The following SMURF2 variants were observed in gnomAD, a reference collection of about 807,000 sequenced individuals.
SMURF2 encodes the protein SMAD specific E3 ubiquitin protein ligase 2.
SMURF2 carries 48 observed loss-of-function variants against 109.6 expected under a neutral mutation model. The ratio of observed to expected loss-of-function variants is 0.44; its 90% confidence interval spans 0.35 to 0.56. The LOEUF (loss-of-function observed/expected upper bound fraction) is 0.56. SMURF2 is among the 20% of genes least tolerant of loss of function. SMURF2 has a pLI of 0.01. For missense variants in SMURF2, 575 were observed against 909.0 expected, an observed-to-expected ratio of 0.63 and a Z score of 4.72; for synonymous variants, 288 against 317.1, an observed-to-expected ratio of 0.91 and a Z score of 0.97.
intron 2 of SMURF2, among the ~76,000 whole-genome samples, chr17:64,604,140 C>T (rs868925411): frequency 6.6e-6 from 1 of 152,150 alleles, no homozygotes; most frequent in Non-Finnish European, 1.5e-5. Context: ...TGTAAATCTA[C>T]CACAGAATGG....
intron 1 of SMURF2, among the ~76,000 whole-genome samples, chr17:64,644,104 C>G (rs1555692812): frequency 6.6e-6 from 1 of 152,144 alleles, no homozygotes; most frequent in East Asian, 1.9e-4. Flanking sequence ...CTGCTGGGCT[C>G]AAACCATCCT....
In SMURF2 at chr17:64,547,064, G is replaced by A. The variant is rs1054944888; in HGVS notation, c.2071+536C>T. Among the ~76,000 whole-genome samples, 1 of 152,174 alleles carries A rather than the reference G, an allele frequency of 6.6e-6. No homozygotes were observed. The highest frequency in any genetic ancestry group is 1.5e-5 in the Non-Finnish European group (1 of 68,030). On this transcript the variant is annotated intron_variant, in intron 17 of 18. Transcript: ENST00000262435. This position sits in a 1 kb window ranked among gnomAD's most constrained non-coding sequence, Gnocchi z 4.2. Reference sequence around the variant, plus strand: ...ACCACAATCATTAGCAATATTACCAGCTCCTCCCAAAATTAACCAGCTTAT... The same window carrying A: ...ACCACAATCATTAGCAATATTACCAACTCCTCCCAAAATTAACCAGCTTAT...
intron 1 of SMURF2, among the ~76,000 whole-genome samples, chr17:64,636,497 G>A (rs1268127923): frequency 2.6e-5 from 4 of 151,838 alleles, no homozygotes; most frequent in African/African-American, 7.3e-5. Context: ...CGGCTACGCG[G>A]GAGGCTGAGG....
chr17:64,581,106 G>A lies in SMURF2; in HGVS notation c.570-115C>T. The A allele has an allele frequency of 3.3e-6, 3 of 908,344 alleles. No homozygotes were observed. Among genetic ancestry groups the A allele is most frequent in the Non-Finnish European group, 3.4e-6 (2 of 595,524 alleles). The allele number at this position is 908,344 out of a possible 1,614,324, so 56.3% of individuals were successfully genotyped here. Reference sequence around the variant, plus strand: ...CACTTATCATGTCTGAAAACAGAATGACTAATACAAGTATAATGACTTCAA... The same window carrying A: ...CACTTATCATGTCTGAAAACAGAATAACTAATACAAGTATAATGACTTCAA... On this transcript the variant is annotated intron_variant, in intron 7 of 18. Coordinates refer to ENST00000262435, the MANE Select transcript of SMURF2 (RefSeq NM_022739.4). The surrounding 1 kb of genome is among the most constrained non-coding windows in gnomAD (Gnocchi z 4.3).
intron 7 of SMURF2, among the ~76,000 whole-genome samples, chr17:64,583,221 C>T (rs760339364): frequency 2.0e-5 from 3 of 152,144 alleles, no homozygotes; most frequent in Non-Finnish European, 4.4e-5. Flanking sequence ...CGCCCTGCCT[C>T]ATTCAATAAA....
chr17:64,661,794 G>A, intron 1 of SMURF2, 35 bp downstream of exon 1: 1 of 1,185,460 alleles, frequency 8.4e-7, no homozygotes, highest in Non-Finnish European at 1.1e-6. Context: ...CGCCCACCCC[G>A]CGGCTGCCCA....
intron 1 of SMURF2, among the ~76,000 whole-genome samples, chr17:64,657,408 T>C (rs1970719130): frequency 6.6e-6 from 1 of 151,772 alleles, no homozygotes; most frequent in Admixed American, 6.6e-5. Flanking sequence ...AAGGCTCAAA[T>C]AGGCCAGGCA....
intron 2 of SMURF2, among the ~76,000 whole-genome samples, chr17:64,605,430 T>C (rs1297922029): frequency 1.3e-5 from 2 of 151,954 alleles, no homozygotes; most frequent in Admixed American, 6.6e-5. Context: ...AGTATAATTT[T>C]AAATTATATT....
At chr17:64,600,382 T>C (rs1169674918) in intron 2 of SMURF2, among the ~76,000 whole-genome samples, 3 of 152,206 alleles carry the variant, frequency 2.0e-5, no homozygotes, top group East Asian at 1.9e-4. Context: ...GTGTTAGACA[T>C]TGGGATAGAG....
At chr17:64,619,958 C>T (rs956582427) in intron 1 of SMURF2, among the ~76,000 whole-genome samples, 5 of 152,106 alleles carry the variant, frequency 3.3e-5, no homozygotes, top group South Asian at 2.1e-4. Flanking sequence ...TCCCAAGCTC[C>T]GAACTCATAC....
rs1555687865 is a variant in SMURF2, at chr17:64,593,549, A to C, written c.225T>G (p.Val75=). The change falls in exon 4 of 19, where the codon GTT becomes GTG. Residue 75 remains valine (V), a synonymous_variant. Coordinates refer to ENST00000262435, the MANE Select transcript of SMURF2 (RefSeq NM_022739.4). ...YDLYIGKSDS[V]TISVWNHKKI... ...TCTTGTGATTCCATACACTGATCGTAACTGAATCAGACTTTCCAATATACC... is the reference window on the plus strand; with the variant it reads ...TCTTGTGATTCCATACACTGATCGTCACTGAATCAGACTTTCCAATATACC... 1.3e-6 allele frequency: 2 copies of C among 1,574,874 alleles called. No homozygotes were observed. The highest frequency in any genetic ancestry group is 1.7e-6 in the Non-Finnish European group (2 of 1,155,222).
chr17:64,644,563 T>C lies in SMURF2; in HGVS notation c.52+17266A>G, dbSNP rs1970534756. ...GTAAGCCATGATCAAACCACTGCAC[T>C]CCAGCCTAGGTGACAAGAGCAAGAC... On this transcript the variant is annotated intron_variant, in intron 1 of 18. Coordinates refer to ENST00000262435, the MANE Select transcript of SMURF2 (RefSeq NM_022739.4). Among the ~76,000 whole-genome samples, 4 of 143,782 alleles carry C rather than the reference T, an allele frequency of 2.8e-5. No individual in the cohort carries two copies. The South Asian group carries it at 8.9e-4, about 32-fold the overall frequency. The allele number at this position is 143,782 out of a possible 152,430, so 94.3% of individuals were successfully genotyped here.
At chr17:64,623,348 G>A (rs973575565) in intron 1 of SMURF2, among the ~76,000 whole-genome samples, 5 of 152,102 alleles carry the variant, frequency 3.3e-5, no homozygotes, top group Non-Finnish European at 7.4e-5. Context: ...AAAGTGCACA[G>A]TAGGCATTCA....
intron 1 of SMURF2, among the ~76,000 whole-genome samples, chr17:64,653,419 A>T (rs1970664015): frequency 1.3e-5 from 2 of 152,018 alleles, no homozygotes; most frequent in South Asian, 4.1e-4. Flanking sequence ...AACTACTGAA[A>T]CTCATACAAT....
At chr17:64,607,912 A>AGTG (rs1555689198) in intron 1 of SMURF2, among the ~76,000 whole-genome samples, 1 of 151,490 alleles carries the variant, frequency 6.6e-6, no homozygotes, top group African/African-American at 2.4e-5. Flanking sequence ...TGGAGGCTGC[A>AGTG]ATGAGCCAAG....
At chr17:64,563,413 T>C (rs1319052905) in intron 10 of SMURF2, among the ~76,000 whole-genome samples, 1 of 152,184 alleles carries the variant, frequency 6.6e-6, no homozygotes, top group Non-Finnish European at 1.5e-5. Context: ...CTAAAACATA[T>C]GACCATACAA....
At chr17:64,637,726 G>C (rs1970436162) in intron 1 of SMURF2, among the ~76,000 whole-genome samples, 1 of 151,784 alleles carries the variant, frequency 6.6e-6, no homozygotes, top group Admixed American at 6.6e-5. Flanking sequence ...ACCATGCCTG[G>C]CTAATTTTTG....
At chr17:64,633,515 A>G (rs1970375369) in intron 1 of SMURF2, among the ~76,000 whole-genome samples, 1 of 152,250 alleles carries the variant, frequency 6.6e-6, no homozygotes, top group Admixed American at 6.5e-5. Flanking sequence ...AAATCCCTTT[A>G]CCATATATTT....
intron 15 of SMURF2, among the ~76,000 whole-genome samples, chr17:64,552,752 G>A (rs1252229473): frequency 1.3e-5 from 2 of 152,124 alleles, no homozygotes; most frequent in Non-Finnish European, 2.9e-5. Context: ...CACCCAGGCT[G>A]GAATACAGTG....
Sources: allele counts gnomAD v4.1 joint callset (sites outside exome capture counted in the v4.1 genomes callset), GRCh38; gene constraint gnomAD v4.1.1; non-coding constraint Gnocchi (gnomAD v3.1); transcripts MANE v1.5; gene names NCBI Gene and HGNC (gene_info 2026-07-23, HGNC 2026-07-21).